Variants in CDH4 observed in about 807,000 individuals in gnomAD.
CDH4 encodes cadherin 4, also known as cadherin-4.
A neutral mutation model predicts 86.0 loss-of-function variants in CDH4; 33 were observed. The observed-to-expected ratio is 0.38, with a 90% CI of 0.29 to 0.51. CDH4 has a LOEUF of 0.51. Among genes scored for constraint, CDH4 ranks in the 20% least tolerant of loss-of-function variants. The probability of loss-of-function intolerance (pLI) is 0.86; values close to 1 mark genes in which losing one functional copy is unlikely to be tolerated. For missense variants in CDH4, 1,114 were observed against 1,307.4 expected (o/e 0.85, Z 2.28); for synonymous variants, 555 against 549.4 (o/e 1.01, Z -0.14).
rs1365206919 is a variant in CDH4 at position 61,510,207 on chromosome 20, G to A, written c.170-233356G>A. ...ATTTGCAATATGCCAGCATCTATGC[G>A]CTCAGCACTCCCGCTCGTGGAGCTC... On this transcript the variant is annotated intron_variant, in intron 2 of 15. Coordinates refer to ENST00000614565, the MANE Select transcript of CDH4 (RefSeq NM_001794.5). The surrounding 1 kb of genome is among the most constrained non-coding windows in gnomAD (Gnocchi z 4.2). Among the ~76,000 whole-genome samples, 2 of 152,134 alleles carry A rather than the reference G, an allele frequency of 1.3e-5. No homozygotes were observed. The highest frequency in any genetic ancestry group is 2.9e-5 in the Non-Finnish European group (2 of 68,032).
At chr20:61,742,862 C>T (rs2088360573) in intron 2 of CDH4, among the ~76,000 whole-genome samples, 1 of 152,214 alleles carries the variant, frequency 6.6e-6, no homozygotes, top group African/African-American at 2.4e-5. Flanking sequence ...AAGCAATGCT[C>T]AGCACCCAGC....
rs1338123108 is a variant in CDH4, at chr20:61,518,553, A to G, written c.170-225010A>G. On this transcript the variant is annotated intron_variant, in intron 2 of 15. Coordinates refer to ENST00000614565, the MANE Select transcript of CDH4 (RefSeq NM_001794.5). The surrounding 1 kb of genome is among the most constrained non-coding windows in gnomAD (Gnocchi z 6.3). ...TCCATCTATCCATCATTCATCCATC[A>G]TCCTTCTATTTGTCATCTATCCATC... Among the ~76,000 whole-genome samples, 2 of 150,298 alleles carry G rather than the reference A, an allele frequency of 1.3e-5. No homozygotes were observed. Among genetic ancestry groups the G allele is most frequent in the Non-Finnish European group, 3.0e-5 (2 of 67,676 alleles).
At chr20:61,721,988 G>A (rs1391943758) in intron 2 of CDH4, among the ~76,000 whole-genome samples, 2 of 152,092 alleles carry the variant, frequency 1.3e-5, no homozygotes, top group Non-Finnish European at 2.9e-5. Context: ...CCTGCTCAAG[G>A]ACAGAAGACA....
intron 2 of CDH4, among the ~76,000 whole-genome samples, chr20:61,532,733 C>T (rs188423463): frequency 6.6e-6 from 1 of 152,228 alleles, no homozygotes; most frequent in Admixed American, 6.5e-5. Context: ...GGTTCTCTGG[C>T]CGGGTTCTAG....
chr20:61,706,586 G>A (rs1389469069), intron 2 of CDH4, among the ~76,000 whole-genome samples: 1 of 152,208 alleles, frequency 6.6e-6, no homozygotes, highest in Non-Finnish European at 1.5e-5. Context: ...AGTTTGCTGA[G>A]CTGAGGACAG....
At chr20:61,522,871 G>C (rs1452676937) in intron 2 of CDH4, among the ~76,000 whole-genome samples, 1 of 152,260 alleles carries the variant, frequency 6.6e-6, no homozygotes, top group Non-Finnish European at 1.5e-5. Context: ...TTACTACCGG[G>C]TGGGCCGGAG....
intron 4 of CDH4, among the ~76,000 whole-genome samples, chr20:61,776,734 G>T (rs1354263422): frequency 6.6e-6 from 1 of 152,238 alleles, no homozygotes; most frequent in Non-Finnish European, 1.5e-5. Context: ...GGGCGAGGGT[G>T]GCCTGTGCTC....
At chr20:61,420,921 A>T (rs1352732790) in intron 2 of CDH4, among the ~76,000 whole-genome samples, 1 of 152,008 alleles carries the variant, frequency 6.6e-6, no homozygotes, top group Non-Finnish European at 1.5e-5. Context: ...GACAGGGGTG[A>T]CCCAGGTATC....
intron 2 of CDH4, among the ~76,000 whole-genome samples, chr20:61,447,327 T>C (rs2085356702): frequency 6.8e-6 from 1 of 147,362 alleles, no homozygotes; most frequent in African/African-American, 2.6e-5. Context: ...CAGCTGATTT[T>C]TTTTTTTTTT....
chr20:61,628,269 G>A (rs117063713), intron 2 of CDH4, among the ~76,000 whole-genome samples: 1,749 of 152,138 alleles, frequency 0.011, 20 homozygotes, highest in Non-Finnish European at 0.017. Flanking sequence ...AGATGGTGCC[G>A]CCTGCCGTGC....
rs111317767 is a variant in CDH4, at chr20:61,342,510, C to T, written c.169+87573C>T. The stretch of plus-strand genomic sequence containing the variant: ...GAGCTCCTATGAGAATCTAATGCTG[C>T]CACTGATCTGATGGGAGGTGGAGCT... On this transcript the variant is annotated intron_variant, in intron 2 of 15. Coordinates refer to ENST00000614565, the MANE Select transcript of CDH4 (RefSeq NM_001794.5). 7.3e-3 allele frequency among the ~76,000 whole-genome samples: 1,114 copies of T among 152,298 alleles called. 14 individuals carry two copies. The highest frequency in any genetic ancestry group is 0.026 in the African/African-American group (1,065 of 41,566).
At chr20:61,707,478 G>A (rs894774158) in intron 2 of CDH4, among the ~76,000 whole-genome samples, 5 of 152,234 alleles carry the variant, frequency 3.3e-5, no homozygotes, top group Non-Finnish European at 5.9e-5. Context: ...CTGGGTGAAC[G>A]CGGGATGTGG....
chr20:61,736,800 C>T (rs2088271293), intron 2 of CDH4, among the ~76,000 whole-genome samples: 2 of 152,082 alleles, frequency 1.3e-5, no homozygotes, highest in Non-Finnish European at 1.5e-5. Context: ...TGAGGTCACC[C>T]GGGGCGGGGG....
chr20:61,699,570 C>T (rs757395008), intron 2 of CDH4, among the ~76,000 whole-genome samples: 8 of 152,208 alleles, frequency 5.3e-5, no homozygotes, highest in Non-Finnish European at 7.3e-5. Flanking sequence ...CAACAGATTG[C>T]TTCTCACACA....
chr20:61,404,427 T>C (rs2085068189), intron 2 of CDH4, among the ~76,000 whole-genome samples: 1 of 152,122 alleles, frequency 6.6e-6, no homozygotes, highest in Non-Finnish European at 1.5e-5. Context: ...TCAAATAAAT[T>C]TCACGCTTCT....
intron 2 of CDH4, among the ~76,000 whole-genome samples, chr20:61,527,455 G>T (rs572180675): frequency 3.9e-5 from 6 of 152,296 alleles, no homozygotes; most frequent in African/African-American, 1.2e-4. Flanking sequence ...TCACCCTGAT[G>T]GCTAGGCTGT....
Position 61,838,886 on chromosome 20 carries a change from G to A in CDH4, c.577-5782G>A, listed in dbSNP as rs375756226. Among the ~76,000 whole-genome samples the A allele has an allele frequency of 1.1e-4, 17 of 151,738 alleles. No homozygotes were observed. The South Asian group carries it at 3.3e-3, about 30-fold the overall frequency. On this transcript the variant is annotated intron_variant, in intron 4 of 15. Transcript: ENST00000614565. ...AAAAAAAAAGAAAAGAAAATTGCCT[G>A]TCTCAGCAGGCCAAGTGCAAGTCCG...
intron 7 of CDH4, among the ~76,000 whole-genome samples, chr20:61,878,684 TCGTAGGTGAC>T (rs1252901840): frequency 6.6e-6 from 1 of 152,174 alleles, no homozygotes; most frequent in African/African-American, 2.4e-5. Flanking sequence ...AGTCTCAAAG[TCGTAGGTGAC>T]CTCTGAATTT....
chr20:61,608,516 C>T (rs1372884673), intron 2 of CDH4, among the ~76,000 whole-genome samples: 5 of 152,358 alleles, frequency 3.3e-5, no homozygotes, highest in South Asian at 2.1e-4. Context: ...TGGTGATGGA[C>T]GATTCTGCCC....
Sources: allele counts gnomAD v4.1 joint callset (sites outside exome capture counted in the v4.1 genomes callset), GRCh38; gene constraint gnomAD v4.1.1; non-coding constraint Gnocchi (gnomAD v3.1); transcripts MANE v1.5; gene names NCBI Gene and HGNC (gene_info 2026-07-23, HGNC 2026-07-21).